The following KHDRBS2 variants were observed in gnomAD, a reference collection of about 807,000 sequenced individuals.
KHDRBS2 encodes the protein KH RNA binding domain containing, signal transduction associated 2, also known as KH domain-containing, RNA-binding, signal transduction-associated protein 2.
KHDRBS2 carries 26 observed loss-of-function variants against 44.3 expected under a neutral mutation model. That is an observed-to-expected ratio of 0.59 (90% confidence interval 0.43 to 0.81). The LOEUF (loss-of-function observed/expected upper bound fraction) is 0.81. Among genes scored for constraint, KHDRBS2 ranks in the 40% least tolerant of loss-of-function variants. KHDRBS2 has a pLI of 0.00. For synonymous variants in KHDRBS2, 194 were observed against 151.1 expected, an observed-to-expected ratio of 1.28 and a Z score of -2.08; for missense variants, 476 against 433.1, an observed-to-expected ratio of 1.10 and a Z score of -0.88.
intron 3 of KHDRBS2, among the ~76,000 whole-genome samples, chr6:62,030,592 A>G (rs906293053): frequency 6.6e-6 from 1 of 152,118 alleles, no homozygotes; most frequent in African/African-American, 2.4e-5. Flanking sequence ...AAAAATGAAT[A>G]ATTAAGAAGA....
chr6:61,595,943 A>G, the KHDRBS2 span, among the ~76,000 whole-genome samples: 1 of 152,074 alleles, frequency 6.6e-6, no homozygotes, highest in African/African-American at 2.4e-5. Flanking sequence ...TATTTTTTCT[A>G]GTCATCTTGG....
At chr6:61,658,745 A>T in the KHDRBS2 span, among the ~76,000 whole-genome samples, 1 of 151,946 alleles carries the variant, frequency 6.6e-6, no homozygotes, top group Non-Finnish European at 1.5e-5. Flanking sequence ...TGGCATTTTA[A>T]AATAGTACAC....
intron 6 of KHDRBS2, among the ~76,000 whole-genome samples, chr6:61,742,023 AAAAT>A (rs1276326763): frequency 3.3e-5 from 5 of 152,006 alleles, no homozygotes; most frequent in African/African-American, 9.7e-5. Flanking sequence ...AGTTGAGAGA[AAAAT>A]AAAGTGAAAA....
At chr6:61,821,360 T>C (rs1051558274) in intron 6 of KHDRBS2, among the ~76,000 whole-genome samples, 1 of 152,050 alleles carries the variant, frequency 6.6e-6, no homozygotes, top group African/African-American at 2.4e-5. Flanking sequence ...ATTTTTATAT[T>C]TGCTAAAATT....
chr6:61,995,061 T>C (rs1776914284), intron 3 of KHDRBS2, among the ~76,000 whole-genome samples: 1 of 152,112 alleles, frequency 6.6e-6, no homozygotes, highest in Non-Finnish European at 1.5e-5. Flanking sequence ...TATATAGGGC[T>C]TTGTAAGGCC....
the KHDRBS2 span, among the ~76,000 whole-genome samples, chr6:61,636,932 T>TATG: frequency 6.6e-6 from 1 of 152,118 alleles, no homozygotes; most frequent in Admixed American, 6.6e-5. Context: ...TTAAAAAACC[T>TATG]ATGTGACATA....
intron 6 of KHDRBS2, among the ~76,000 whole-genome samples, chr6:61,792,562 T>A (rs1310121423): frequency 6.6e-6 from 1 of 151,688 alleles, no homozygotes; most frequent in African/African-American, 2.4e-5. Context: ...ATAGAGTATA[T>A]CGTTGTAGAG....
intron 6 of KHDRBS2, among the ~76,000 whole-genome samples, chr6:61,893,650 CA>C (rs1195889813): frequency 1.3e-5 from 2 of 151,910 alleles, no homozygotes; most frequent in African/African-American, 4.8e-5. Context: ...ATCGCAAAGA[CA>C]AAAAACCAAA....
intron 3 of KHDRBS2, among the ~76,000 whole-genome samples, chr6:62,032,518 C>A (rs1011240627): frequency 3.3e-5 from 5 of 149,824 alleles, no homozygotes; most frequent in African/African-American, 1.2e-4. Flanking sequence ...TAATAAACTC[C>A]CATATATATT....
At chr6:61,848,519 G>A (rs9445495) in intron 6 of KHDRBS2, among the ~76,000 whole-genome samples, 1,063 of 29,630 alleles carry the variant, frequency 0.036, 66 homozygotes, top group Non-Finnish European at 0.049. Context: ...ATGTATATAT[G>A]TATATATATA....
chr6:61,712,343 G>T (rs1380165523), intron 7 of KHDRBS2, among the ~76,000 whole-genome samples: 2 of 151,868 alleles, frequency 1.3e-5, no homozygotes, highest in East Asian at 1.9e-4. Flanking sequence ...ATTGACAGAG[G>T]GATATTTTCT....
intron 2 of KHDRBS2, among the ~76,000 whole-genome samples, chr6:62,110,092 A>G (rs1209222853): frequency 6.6e-6 from 1 of 152,010 alleles, no homozygotes; most frequent in Non-Finnish European, 1.5e-5. Flanking sequence ...AGGCCCAGGA[A>G]GGAAGAAAAT....
chr6:61,805,074 C>T (rs1630387), intron 6 of KHDRBS2, among the ~76,000 whole-genome samples: 42,613 of 152,022 alleles, frequency 0.28, 6,163 homozygotes, highest in South Asian at 0.36. Flanking sequence ...ACATAAGTTC[C>T]GATTCCAAAC....
At chr6:61,973,857 C>T (rs976499510) in intron 4 of KHDRBS2, among the ~76,000 whole-genome samples, 2 of 152,190 alleles carry the variant, frequency 1.3e-5, no homozygotes, top group Admixed American at 1.3e-4. Context: ...AGATTCTGGG[C>T]CATGATGGGC....
chr6:61,585,666 A>C, the KHDRBS2 span, among the ~76,000 whole-genome samples: 1 of 152,140 alleles, frequency 6.6e-6, no homozygotes, highest in East Asian at 1.9e-4. Context: ...GTTATGGTAA[A>C]ATTTTTTATT....
intron 6 of KHDRBS2, among the ~76,000 whole-genome samples, chr6:61,816,223 A>T (rs1460951790): frequency 6.6e-6 from 1 of 152,184 alleles, no homozygotes; most frequent in Admixed American, 6.6e-5. Context: ...AACCCCGGAA[A>T]ACTGTGAACA....
chr6:61,820,696 T>C (rs1293717850), intron 6 of KHDRBS2, among the ~76,000 whole-genome samples: 1 of 152,034 alleles, frequency 6.6e-6, no homozygotes, highest in Non-Finnish European at 1.5e-5. Context: ...TGTTTTAATG[T>C]AAATTTGCAG....
chr6:61,853,030 T>G (rs143174286), intron 6 of KHDRBS2, among the ~76,000 whole-genome samples: 2 of 152,208 alleles, frequency 1.3e-5, no homozygotes, highest in Non-Finnish European at 2.9e-5. Context: ...TTTGGGATAC[T>G]GATCTGTTGC....
intron 1 of KHDRBS2, among the ~76,000 whole-genome samples, chr6:62,268,106 A>C (rs1003748187): frequency 6.6e-6 from 1 of 151,952 alleles, no homozygotes; most frequent in African/African-American, 2.4e-5. Flanking sequence ...ATAGCATCTA[A>C]ATTCATTTCT....
Sources: allele counts gnomAD v4.1 joint callset (sites outside exome capture counted in the v4.1 genomes callset), GRCh38; gene constraint gnomAD v4.1.1; transcripts MANE v1.5; gene names NCBI Gene and HGNC (gene_info 2026-07-23, HGNC 2026-07-21).